WWP2: variants seen among roughly 807,000 people sequenced by gnomAD.
WWP2 encodes WW domain containing E3 ubiquitin protein ligase 2.
A neutral mutation model predicts 121.0 loss-of-function variants in WWP2; 57 were observed. The observed-to-expected ratio is 0.47, with a 90% CI of 0.38 to 0.59. The LOEUF (loss-of-function observed/expected upper bound fraction) is 0.59, where lower values mean the gene tolerates loss of function less well. Ranked by LOEUF, WWP2 falls within the 20% of genes least tolerant of loss-of-function variation. WWP2 has a pLI of 0.00. For missense variants in WWP2, 962 were observed against 1,158.9 expected (o/e 0.83, Z 2.47); for synonymous variants, 449 against 441.3 (o/e 1.02, Z -0.22).
intron 1 of WWP2, among the ~76,000 whole-genome samples, chr16:69,772,212 C>T (rs560757401): frequency 6.1e-4 from 93 of 152,108 alleles, no homozygotes; most frequent in Non-Finnish European, 1.2e-3. Context: ...CCGCCTGCCT[C>T]GGCCTCCCAA....
At chr16:69,851,521 G>A (rs1243284588) in intron 6 of WWP2, among the ~76,000 whole-genome samples, 1 of 151,944 alleles carries the variant, frequency 6.6e-6, no homozygotes, top group Admixed American at 6.6e-5. Context: ...GATATTTTGG[G>A]TACTGAATAA....
At position 69,925,515 on chromosome 16, in the gene WWP2, GCCTT is replaced by G. The variant is rs1393440502; in HGVS notation, c.1234+34_1234+37del. 2 of 1,611,136 alleles carry G rather than the reference GCCTT, an allele frequency of 1.2e-6. No individual in the cohort carries two copies. Among genetic ancestry groups the G allele is most frequent in the South Asian group, 2.2e-5 (2 of 90,838 alleles). On this transcript the variant is annotated intron_variant, in intron 11 of 23. Transcript: ENST00000359154. This position sits in a 1 kb window ranked among gnomAD's most constrained non-coding sequence, Gnocchi z 4.0. ...TACTGAGTTCTCTTCCTGGCCCTTG[GCCTT>G]CCGTCAGCCACGGTGCTCTGTCCTC... is the stretch of plus-strand genomic sequence containing the variant.
chr16:69,919,000 C>A (rs1190444163), intron 10 of WWP2, among the ~76,000 whole-genome samples: 1 of 151,330 alleles, frequency 6.6e-6, no homozygotes. Flanking sequence ...CCCACCACCA[C>A]ACCCGGCTAA....
At chr16:69,798,640 C>G (rs2056097878) in intron 2 of WWP2, 42 bp from the exon 3 acceptor site, 1 of 1,600,242 alleles carries the variant, frequency 6.2e-7, no homozygotes, top group African/African-American at 1.3e-5. Context: ...CATCTGGGAG[C>G]CCTGGGACTC....
At chr16:69,798,604 G>A in intron 2 of WWP2, 78 bp from the exon 3 acceptor site, 1 of 1,466,474 alleles carries the variant, frequency 6.8e-7, no homozygotes, top group Non-Finnish European at 9.1e-7. Context: ...TAACTAAAAA[G>A]AGCCGGAACA....
intron 6 of WWP2, among the ~76,000 whole-genome samples, chr16:69,844,146 C>T (rs922069263): frequency 2.0e-5 from 3 of 151,972 alleles, no homozygotes; most frequent in Non-Finnish European, 4.4e-5. Flanking sequence ...ACTGTAAAGG[C>T]GTTGCCTCAC....
chr16:69,871,213 G>A (rs926613026), intron 6 of WWP2, among the ~76,000 whole-genome samples: 1 of 152,188 alleles, frequency 6.6e-6, no homozygotes, highest in African/African-American at 2.4e-5. Flanking sequence ...GAGCCCAAGA[G>A]TTTGAGGCTG....
At chr16:69,833,317 A>G (rs1380241781) in intron 4 of WWP2, among the ~76,000 whole-genome samples, 1 of 152,122 alleles carries the variant, frequency 6.6e-6, no homozygotes, top group African/African-American at 2.4e-5. Flanking sequence ...CACACTTTGG[A>G]TTTTGCTGTG....
intron 9 of WWP2, among the ~76,000 whole-genome samples, chr16:69,913,515 A>G (rs1347645447): frequency 6.6e-6 from 1 of 151,888 alleles, no homozygotes; most frequent in Non-Finnish European, 1.5e-5. Flanking sequence ...AAATTATAAT[A>G]ATAAATAAAA....
intron 6 of WWP2, among the ~76,000 whole-genome samples, chr16:69,846,629 G>C (rs1211134579): frequency 6.6e-6 from 1 of 152,042 alleles, no homozygotes; most frequent in Middle Eastern, 3.4e-3. Flanking sequence ...GCTGAGGTAG[G>C]AGAATCACTT....
chr16:69,830,463 A>C (rs747926257), intron 4 of WWP2, among the ~76,000 whole-genome samples: 1 of 152,166 alleles, frequency 6.6e-6, no homozygotes, highest in African/African-American at 2.4e-5. Flanking sequence ...AAATGAGGCT[A>C]TTTTCTCTAG....
At chr16:69,881,576 A>G (rs2151929810) in intron 7 of WWP2, among the ~76,000 whole-genome samples, 1 of 152,384 alleles carries the variant, frequency 6.6e-6, no homozygotes, top group South Asian at 2.1e-4. Context: ...ATGATTATAT[A>G]AGATAGTATT....
intron 7 of WWP2, among the ~76,000 whole-genome samples, chr16:69,878,564 G>T (rs1254170823): frequency 6.6e-6 from 1 of 151,886 alleles, no homozygotes; most frequent in Non-Finnish European, 1.5e-5. Flanking sequence ...GTCTCATTTT[G>T]TTGCCCAGGC....
intron 8 of WWP2, among the ~76,000 whole-genome samples, chr16:69,894,242 ATTTT>A (rs34251036): frequency 7.6e-6 from 1 of 132,064 alleles, no homozygotes. Context: ...TACCCAGGCT[ATTTT>A]TTTTTTTTTT....
intron 6 of WWP2, among the ~76,000 whole-genome samples, chr16:69,859,301 C>T (rs182753073): frequency 1.2e-4 from 19 of 152,258 alleles, no homozygotes; most frequent in African/African-American, 4.6e-4. Context: ...GCCTGTAATT[C>T]CAGCACTTTG....
intron 4 of WWP2, among the ~76,000 whole-genome samples, chr16:69,813,670 G>C (rs970190414): frequency 6.6e-6 from 1 of 152,048 alleles, no homozygotes; most frequent in Non-Finnish European, 1.5e-5. Flanking sequence ...GTTTCACCAT[G>C]TTGCCCAAGG....
chr16:69,798,245 T>C (rs1187402571), intron 2 of WWP2, among the ~76,000 whole-genome samples: 2 of 152,228 alleles, frequency 1.3e-5, no homozygotes, highest in Admixed American at 6.5e-5. Flanking sequence ...CAGATGTATA[T>C]GTTCACGGTA....
chr16:69,847,360 C>T (rs182316884), intron 6 of WWP2, among the ~76,000 whole-genome samples: 1 of 151,956 alleles, frequency 6.6e-6, no homozygotes, highest in Non-Finnish European at 1.5e-5. Flanking sequence ...GCTGGGATTA[C>T]AGGCATGAGC....
intron 1 of WWP2, among the ~76,000 whole-genome samples, 185 bp downstream of exon 1, chr16:69,762,576 C>T (rs1484754101): frequency 6.6e-6 from 1 of 150,790 alleles, no homozygotes; most frequent in Admixed American, 6.6e-5. Context: ...GGCTCCCGCC[C>T]GAGTGGGGTG....
Sources: allele counts gnomAD v4.1 joint callset (sites outside exome capture counted in the v4.1 genomes callset), GRCh38; gene constraint gnomAD v4.1.1; non-coding constraint Gnocchi (gnomAD v3.1); transcripts MANE v1.5; gene names NCBI Gene and HGNC (gene_info 2026-07-23, HGNC 2026-07-21).